Variants in ETFA observed in about 807,000 individuals in gnomAD.
The protein encoded by ETFA is electron transfer flavoprotein subunit alpha.
Under a neutral mutation model 46.2 loss-of-function variants are expected in ETFA, and 22 were observed. The ratio of observed to expected loss-of-function variants is 0.48; its 90% CI spans 0.34 to 0.68. The LOEUF (loss-of-function observed/expected upper bound fraction) is 0.68. Among genes scored for constraint, ETFA ranks in the 30% least tolerant of loss-of-function variants. The probability of loss-of-function intolerance (pLI) is 0.01; values close to 1 mark genes in which losing one functional copy is unlikely to be tolerated. For synonymous variants in ETFA, 131 were observed against 139.9 expected (o/e 0.94, Z 0.45); for missense variants, 345 against 401.1 (o/e 0.86, Z 1.19).
At chr15:76,271,905 G>T (rs1480189866) in intron 9 of ETFA, among the ~76,000 whole-genome samples, 1 of 128,676 alleles carries the variant, frequency 7.8e-6, no homozygotes, top group African/African-American at 3.3e-5. Flanking sequence ...GCGTATATGT[G>T]TGTGTATATA....
intron 5 of ETFA, among the ~76,000 whole-genome samples, chr15:76,286,972 A>G (rs1267120696): frequency 2.6e-5 from 4 of 152,266 alleles, no homozygotes; most frequent in Non-Finnish European, 5.9e-5. Context: ...TCACATTAAC[A>G]GTAACCTAAA....
chr15:76,304,463 G>A (rs931155619), intron 1 of ETFA, among the ~76,000 whole-genome samples: 1 of 152,056 alleles, frequency 6.6e-6, no homozygotes, highest in Non-Finnish European at 1.5e-5. Flanking sequence ...TTTAAGACCA[G>A]CCTGGACAAT....
chr15:76,259,618 C>T (rs936287969), intron 9 of ETFA: 2 of 888,750 alleles, frequency 2.3e-6, no homozygotes, highest in Non-Finnish European at 3.8e-6. Context: ...CTCTCCAGGG[C>T]CAGCCACTTG....
intron 10 of ETFA, 147 bp downstream of exon 10, chr15:76,231,186 C>G: frequency 1.5e-6 from 1 of 679,238 alleles, no homozygotes; most frequent in South Asian, 1.7e-5. Context: ...AGGCAGTGAA[C>G]GGTAGCTTTT....
At chr15:76,268,732 T>C (rs1031345868) in intron 9 of ETFA, among the ~76,000 whole-genome samples, 8 of 152,118 alleles carry the variant, frequency 5.3e-5, no homozygotes, top group African/African-American at 1.7e-4. Context: ...AGAGGAAATA[T>C]GTAAGAGGCA....
chr15:76,292,720 TCC>T lies in ETFA; in HGVS notation c.187-22_187-21del. On this transcript the variant is annotated intron_variant, in intron 2 of 11. Coordinates refer to ENST00000557943, the MANE Select transcript of ETFA (RefSeq NM_000126.4). The stretch of plus-strand genomic sequence containing the variant: ...TGCCACCTATGATTAAAAGATAAGT[TCC>T]TAATTATCCATCTATCAGAAATATA... 1.3e-6 allele frequency: 2 copies of T among 1,486,434 alleles called. No homozygotes were observed. Among genetic ancestry groups the T allele is most frequent in the Non-Finnish European group, 9.4e-7 (1 of 1,063,702 alleles). 92.1% of individuals were successfully genotyped at this position (1,486,434 alleles called of 1,614,324 possible). A position where few individuals can be genotyped will look rare whatever the true frequency, so the allele number is the denominator to read the frequency against.
At chr15:76,281,275 G>A (rs2039647918) in intron 8 of ETFA, among the ~76,000 whole-genome samples, 1 of 152,068 alleles carries the variant, frequency 6.6e-6, no homozygotes, top group Non-Finnish European at 1.5e-5. Flanking sequence ...AAAGTGCTGG[G>A]ATTCCAGGCA....
At chr15:76,305,417 T>C (rs1238164496) in intron 1 of ETFA, among the ~76,000 whole-genome samples, 4 of 152,226 alleles carry the variant, frequency 2.6e-5, no homozygotes, top group African/African-American at 9.6e-5. Context: ...TCATTGATAA[T>C]GTAATCAACT....
At chr15:76,277,605 C>T (rs1372543259) in intron 8 of ETFA, among the ~76,000 whole-genome samples, 5 of 152,182 alleles carry the variant, frequency 3.3e-5, no homozygotes, top group African/African-American at 9.7e-5. Flanking sequence ...AGGATTCAAG[C>T]GATTCTTCTG....
intron 1 of ETFA, among the ~76,000 whole-genome samples, chr15:76,299,091 C>T (rs956581128): frequency 6.6e-6 from 1 of 152,140 alleles, no homozygotes; most frequent in African/African-American, 2.4e-5. Context: ...AGGTAATTGC[C>T]TCAAAAGGAA....
chr15:76,222,878 A>G (rs1170730513), intron 11 of ETFA, among the ~76,000 whole-genome samples: 1 of 150,954 alleles, frequency 6.6e-6, no homozygotes, highest in African/African-American at 2.4e-5. Flanking sequence ...TCTGCTGCCC[A>G]GGCTGAAGTG....
chr15:76,234,237 G>A (rs552527298), intron 9 of ETFA, among the ~76,000 whole-genome samples: 3 of 152,208 alleles, frequency 2.0e-5, no homozygotes, highest in Admixed American at 6.5e-5. Flanking sequence ...GGATTTTGGC[G>A]GCTGCTCTGA....
intron 11 of ETFA, among the ~76,000 whole-genome samples, chr15:76,218,350 C>T (rs189442225): frequency 3.5e-4 from 53 of 152,280 alleles, no homozygotes; most frequent in African/African-American, 1.2e-3. Flanking sequence ...TCACTGCAAG[C>T]TCCGTCTCCC....
chr15:76,216,658 C>A, intron 11 of ETFA, 61 bp from the exon 12 acceptor site: 1 of 1,082,720 alleles, frequency 9.2e-7, no homozygotes, highest in Admixed American at 1.7e-5. Context: ...ATGGTCACAG[C>A]TCCGTAAGCA....
intron 9 of ETFA, among the ~76,000 whole-genome samples, chr15:76,256,689 C>T (rs2039348529): frequency 6.6e-6 from 1 of 152,196 alleles, no homozygotes; most frequent in African/African-American, 2.4e-5. Flanking sequence ...TGATGCACCA[C>T]ATAACAACAG....
intron 9 of ETFA, chr15:76,259,807 C>A: frequency 6.2e-7 from 1 of 1,603,300 alleles, no homozygotes. Context: ...CAATGTCCAC[C>A]ATGAACCGGA....
intron 9 of ETFA, chr15:76,261,070 A>T (rs2039406424): frequency 6.5e-7 from 1 of 1,546,638 alleles, no homozygotes; most frequent in Admixed American, 1.7e-5. Context: ...ATGCGAGAAG[A>T]GGCCAGGCAT....
chr15:76,291,279 C>T (rs2039758939), intron 4 of ETFA, among the ~76,000 whole-genome samples: 1 of 151,880 alleles, frequency 6.6e-6, no homozygotes, highest in African/African-American at 2.4e-5. Context: ...CCTGTCTCTA[C>T]TAAACATACA....
At position 76,274,416 on chromosome 15, in the gene ETFA, G is replaced by T; in HGVS notation, c.812C>A (p.Ala271Glu). Reference protein sequence around the residue: ...MQVGQTGKIVAPELYIAVGIS... With the variant: ...MQVGQTGKIVEPELYIAVGIS... ...ATATTTTATTGCAATACTTACTGGT[G>T]CTACTATTTTTCCCGTCTGTCCAAC... Residue 271 changes from alanine to glutamate, a missense_variant, in exon 9 of 12, where the codon GCA becomes GAA. Coordinates refer to ENST00000557943, the MANE Select transcript of ETFA (RefSeq NM_000126.4). 2 of 1,605,908 alleles carry T rather than the reference G, an allele frequency of 1.2e-6. No homozygotes were observed. Among genetic ancestry groups the T allele is most frequent in the Non-Finnish European group, 8.5e-7 (1 of 1,174,464 alleles).
Sources: gnomAD v4.1 joint callset for allele counts (sites outside exome capture counted in the v4.1 genomes callset) on GRCh38, gnomAD v4.1.1 for gene constraint, MANE v1.5 for transcripts, NCBI Gene and HGNC (gene_info 2026-07-23, HGNC 2026-07-21) for gene names.